Variants in SPINK8 observed in about 807,000 individuals in gnomAD.
The protein encoded by SPINK8 is serine peptidase inhibitor Kazal type 8 (putative), also known as serine protease inhibitor Kazal-type 8.
In SPINK8, 12 loss-of-function variants were observed where a neutral mutation model predicts 14.4. That is an observed-to-expected ratio of 0.83 (90% confidence interval 0.53 to 1.35). The LOEUF is 1.35. Ranked by LOEUF, SPINK8 falls within the 40% of genes most tolerant of loss-of-function variation. The pLI is 0.00. For synonymous variants in SPINK8, 32 were observed against 37.6 expected, an observed-to-expected ratio of 0.85 and a Z score of 0.55; for missense variants, 103 against 117.0, an observed-to-expected ratio of 0.88 and a Z score of 0.55.
intron 7 of SPINK8, among the ~76,000 whole-genome samples, chr3:48,308,547 T>C (rs116770054): frequency 0.011 from 1,719 of 152,268 alleles, 34 homozygotes; most frequent in African/African-American, 0.039. Flanking sequence ...CCTAGAAGAT[T>C]TGGGATTTTC....
intron 4 of SPINK8, among the ~76,000 whole-genome samples, chr3:48,322,893 T>A (rs1314551927): frequency 6.6e-6 from 1 of 152,200 alleles, no homozygotes; most frequent in Non-Finnish European, 1.5e-5. Context: ...CTATGAATAT[T>A]TATGCACACA....
intron 6 of SPINK8, 38 bp from the exon 7 acceptor site, chr3:48,309,984 T>A: frequency 7.3e-7 from 1 of 1,373,308 alleles, no homozygotes; most frequent in Non-Finnish European, 9.4e-7. Flanking sequence ...TTTTGCTGTA[T>A]GGTATATCAT....
In SPINK8 at chr3:48,309,914, TCATA is replaced by T; in HGVS notation, c.268_271del (p.Tyr90MetfsTer18). ...AGTGTCTTTACTTACACATTGTCCA[TCATA>T]CAGTTTAGTTATGTTAAGCCCTTCA... is the stretch of plus-strand genomic sequence containing the variant. On this transcript the variant is annotated frameshift_variant, in exon 7 of 8. Transcript: ENST00000434006. LOFTEE classifies it high-confidence loss of function. 1 of 1,451,416 alleles carries T rather than the reference TCATA, an allele frequency of 6.9e-7. No individual in the cohort carries two copies. Among genetic ancestry groups the T allele is most frequent in the African/African-American group, 1.5e-5 (1 of 67,480 alleles). 89.9% of individuals were successfully genotyped at this position (1,451,416 alleles called of 1,614,324 possible).
intron 6 of SPINK8, among the ~76,000 whole-genome samples, chr3:48,317,443 A>T (rs1030626480): frequency 3.3e-5 from 5 of 152,128 alleles, no homozygotes; most frequent in African/African-American, 1.2e-4. Context: ...AGCCGAGACC[A>T]CAGTATTGCA....
chr3:48,315,761 TA>T (rs2035981298), intron 6 of SPINK8, among the ~76,000 whole-genome samples: 1 of 131,344 alleles, frequency 7.6e-6, no homozygotes, highest in Non-Finnish European at 1.7e-5. Flanking sequence ...AAGGAAACTG[TA>T]TGTAAAGAAC....
intron 6 of SPINK8, among the ~76,000 whole-genome samples, chr3:48,315,914 G>A (rs1465215880): frequency 6.6e-6 from 1 of 151,812 alleles, no homozygotes; most frequent in East Asian, 1.9e-4. Context: ...TTCCCTGGAG[G>A]GGCTCATATA....
At chr3:48,321,253 C>G (rs914853631) in intron 4 of SPINK8, among the ~76,000 whole-genome samples, 179 bp from the exon 5 acceptor site, 1 of 152,156 alleles carries the variant, frequency 6.6e-6, no homozygotes, top group Non-Finnish European at 1.5e-5. Context: ...GAAATACGTG[C>G]CTTTACCTTC....
chr3:48,327,791 G>A (rs1037612611), intron 4 of SPINK8, among the ~76,000 whole-genome samples: 1 of 152,122 alleles, frequency 6.6e-6, no homozygotes, highest in Non-Finnish European at 1.5e-5. Flanking sequence ...CCGTACCAAT[G>A]GAAAGTAAGA....
At chr3:48,308,217 G>A (rs1439442709) in intron 7 of SPINK8, among the ~76,000 whole-genome samples, 4 of 151,758 alleles carry the variant, frequency 2.6e-5, no homozygotes, top group Admixed American at 2.0e-4. Flanking sequence ...CTTGTGATCC[G>A]CCTGCCTTGG....
chr3:48,310,201 G>T (rs1175117668), intron 6 of SPINK8, among the ~76,000 whole-genome samples: 1 of 151,962 alleles, frequency 6.6e-6, no homozygotes, highest in Non-Finnish European at 1.5e-5. Context: ...AAATACAGAG[G>T]ATTAGAAAAA....
At chr3:48,312,104 A>C (rs1053106905) in intron 6 of SPINK8, among the ~76,000 whole-genome samples, 5 of 151,818 alleles carry the variant, frequency 3.3e-5, no homozygotes, top group African/African-American at 1.2e-4. Context: ...ACTGCTCTCC[A>C]ACCTGGGAGA....
At chr3:48,324,597 C>A (rs1299504924) in intron 4 of SPINK8, among the ~76,000 whole-genome samples, 1 of 152,118 alleles carries the variant, frequency 6.6e-6, no homozygotes. Context: ...TATATGTTCT[C>A]TAACATAAAG....
intron 6 of SPINK8, among the ~76,000 whole-genome samples, chr3:48,317,340 T>G (rs2036006695): frequency 6.6e-6 from 1 of 151,958 alleles, no homozygotes; most frequent in Non-Finnish European, 1.5e-5. Context: ...ATACAAAAAT[T>G]AGCTAGGTGT....
intron 6 of SPINK8, among the ~76,000 whole-genome samples, chr3:48,317,762 G>A (rs577835544): frequency 2.0e-5 from 3 of 150,998 alleles, no homozygotes; most frequent in South Asian, 2.1e-4. Context: ...TGATCTGCCC[G>A]TCTCAAAAGA....
At chr3:48,316,060 A>G (rs1243168458) in intron 6 of SPINK8, among the ~76,000 whole-genome samples, 1 of 152,244 alleles carries the variant, frequency 6.6e-6, no homozygotes, top group Non-Finnish European at 1.5e-5. Flanking sequence ...CACATAACCA[A>G]TAAGATAAAA....
intron 6 of SPINK8, among the ~76,000 whole-genome samples, chr3:48,312,506 G>T (rs950854887): frequency 6.6e-6 from 1 of 151,782 alleles, no homozygotes; most frequent in Non-Finnish European, 1.5e-5. Context: ...ACCCAGGCTT[G>T]GTGGTGGGCA....
intron 6 of SPINK8, among the ~76,000 whole-genome samples, chr3:48,310,942 A>T (rs911507345): frequency 8.5e-5 from 13 of 152,218 alleles, no homozygotes; most frequent in African/African-American, 3.1e-4. Flanking sequence ...CATAAAGGAA[A>T]ACTATAGACC....
intron 6 of SPINK8, 33 bp downstream of exon 6, chr3:48,319,464 T>G (rs1164013439): frequency 6.2e-7 from 1 of 1,613,434 alleles, no homozygotes; most frequent in East Asian, 2.2e-5. Context: ...ACCTCTTGAC[T>G]TGAAAGAAAG....
chr3:48,320,255 A>T (rs1348035967), intron 5 of SPINK8, among the ~76,000 whole-genome samples: 1 of 151,942 alleles, frequency 6.6e-6, no homozygotes, highest in Non-Finnish European at 1.5e-5. Context: ...CCAGGTTAAA[A>T]TTTCTGATGA....
Sources: allele counts gnomAD v4.1 joint callset (sites outside exome capture counted in the v4.1 genomes callset), GRCh38; gene constraint gnomAD v4.1.1; transcripts MANE v1.5; gene names NCBI Gene and HGNC (gene_info 2026-07-23, HGNC 2026-07-21).